Variants in ATXN10 observed in about 807,000 individuals in gnomAD.
ATXN10 encodes ataxin-10.
Under a neutral mutation model 52.9 loss-of-function variants are expected in ATXN10, and 28 were observed. That is an observed-to-expected ratio of 0.53 (90% CI 0.39 to 0.73). ATXN10 has a LOEUF of 0.73. Ranked by LOEUF, ATXN10 falls within the 30% of genes least tolerant of loss-of-function variation. ATXN10 has a pLI of 0.00. For missense variants in ATXN10, 565 were observed against 577.0 expected (o/e 0.98, Z 0.21); for synonymous variants, 226 against 221.5 (o/e 1.02, Z -0.18).
chr22:45,803,467 T>A (rs990450546), intron 9 of ATXN10, among the ~76,000 whole-genome samples: 2 of 152,152 alleles, frequency 1.3e-5, no homozygotes, highest in African/African-American at 2.4e-5. Context: ...ATGCTATATG[T>A]TCTTCTAGCC....
At chr22:45,830,199 G>A (rs1342947222) in intron 10 of ATXN10, among the ~76,000 whole-genome samples, 3 of 152,106 alleles carry the variant, frequency 2.0e-5, no homozygotes, top group Admixed American at 2.0e-4. Context: ...CTTACTTAAC[G>A]TCATATACAA....
Position 45,784,072 on chromosome 22 carries a change from C to T in ATXN10, c.1174-22887C>T, listed in dbSNP as rs1265197975. Among the ~76,000 whole-genome samples the T allele has an allele frequency of 6.6e-6, 1 of 152,148 alleles. No individual in the cohort carries two copies. Among genetic ancestry groups the T allele is most frequent in the Non-Finnish European group, 1.5e-5 (1 of 68,016 alleles). On this transcript the variant is annotated intron_variant, in intron 9 of 11. Coordinates refer to ENST00000252934, the MANE Select transcript of ATXN10 (RefSeq NM_013236.4). This position sits in a 1 kb window ranked among gnomAD's most constrained non-coding sequence, Gnocchi z 4.2. ...TCTCCCCTTCTTAATCCTCATCACTCTTCATTTGCACACTTTGAGGTTTTC... is the reference window on the plus strand; with the variant it reads ...TCTCCCCTTCTTAATCCTCATCACTTTTCATTTGCACACTTTGAGGTTTTC...
rs1031771033 is a variant in ATXN10, at chr22:45,775,399, T to C, written c.1174-31560T>C. On this transcript the variant is annotated intron_variant, in intron 9 of 11. Coordinates refer to ENST00000252934, the MANE Select transcript of ATXN10 (RefSeq NM_013236.4). This position sits in a 1 kb window ranked among gnomAD's most constrained non-coding sequence, Gnocchi z 4.7. The stretch of plus-strand genomic sequence containing the variant: ...GAGACAAGTTGGAAAACACAAACAT[T>C]GTGAGGGTTTGTAGAACGGGTGGGT... 3.3e-5 allele frequency among the ~76,000 whole-genome samples: 5 copies of C among 152,212 alleles called. No individual in the cohort carries two copies. The highest frequency in any genetic ancestry group is 1.2e-4 in the African/African-American group (5 of 41,462).
At chr22:45,788,336 G>A (rs1168627916) in intron 9 of ATXN10, among the ~76,000 whole-genome samples, 1 of 151,948 alleles carries the variant, frequency 6.6e-6, no homozygotes, top group Non-Finnish European at 1.5e-5. Context: ...TGCCCTCCCA[G>A]TAAATGATCC....
intron 5 of ATXN10, among the ~76,000 whole-genome samples, chr22:45,703,223 G>C (rs1923909049): frequency 6.6e-6 from 1 of 152,170 alleles, no homozygotes; most frequent in Admixed American, 6.5e-5. Flanking sequence ...GTAAGCATCT[G>C]TGCAGATGAG....
intron 10 of ATXN10, among the ~76,000 whole-genome samples, chr22:45,821,449 G>T (rs1928646310): frequency 6.6e-6 from 1 of 151,550 alleles, no homozygotes; most frequent in African/African-American, 2.4e-5. Flanking sequence ...AATGATGATT[G>T]TGAAAGACCC....
At chr22:45,751,740 G>GAAAAAAAAAAA (rs200364242) in intron 9 of ATXN10, among the ~76,000 whole-genome samples, 2 of 45,500 alleles carry the variant, frequency 4.4e-5, no homozygotes, top group Non-Finnish European at 3.7e-5. Context: ...CCTTTTTCTG[G>GAAAAAAAAAAA]AAAAAAAAAA....
At position 45,772,254 on chromosome 22, in the gene ATXN10, G is replaced by A. The variant is rs1926804967; in HGVS notation, c.1173+31716G>A. On this transcript the variant is annotated intron_variant, in intron 9 of 11. Coordinates refer to ENST00000252934, the MANE Select transcript of ATXN10 (RefSeq NM_013236.4). This position sits in a 1 kb window ranked among gnomAD's most constrained non-coding sequence, Gnocchi z 4.1. ...CCATTTGAGTTAGTCTCTCTATAAG[G>A]TGTGAGGGTTAGGTCAAGGTTCATT... 6.6e-6 allele frequency among the ~76,000 whole-genome samples: 1 copy of A among 152,150 alleles called. No homozygotes were observed. Among genetic ancestry groups the A allele is most frequent in the South Asian group, 2.1e-4 (1 of 4,830 alleles).
rs529060678 is a variant in ATXN10, at chr22:45,842,332, C to T, written c.1238-659C>T. Among the ~76,000 whole-genome samples, 73 of 152,186 alleles carry T rather than the reference C, an allele frequency of 4.8e-4. No individual in the cohort carries two copies. The highest frequency in any genetic ancestry group is 9.1e-4 in the Non-Finnish European group (62 of 68,042). On this transcript the variant is annotated intron_variant, in intron 10 of 11. Transcript: ENST00000252934. The surrounding 1 kb of genome is among the most constrained non-coding windows in gnomAD (Gnocchi z 4.8). ...AGGTTGTCTCTGGTCTCCTGCCAAG[C>T]GGAACGTGCCAGGTGAACACTTGGG...
intron 3 of ATXN10, among the ~76,000 whole-genome samples, chr22:45,697,693 G>A (rs1050444977): frequency 3.9e-5 from 6 of 151,918 alleles, no homozygotes; most frequent in Admixed American, 3.3e-4. Context: ...GCAGTGGGGC[G>A]ATCTCGGCTC....
chr22:45,796,172 C>T (rs1927730473), intron 9 of ATXN10, among the ~76,000 whole-genome samples: 1 of 152,224 alleles, frequency 6.6e-6, no homozygotes, highest in South Asian at 2.1e-4. Flanking sequence ...CAGGGAGTGT[C>T]TGTCTTATGC....
intron 9 of ATXN10, among the ~76,000 whole-genome samples, chr22:45,758,018 G>A (rs9626438): frequency 0.15 from 22,289 of 152,312 alleles, 1,844 homozygotes; most frequent in Middle Eastern, 0.21. Context: ...TGCTTCCAAA[G>A]TATATGGCAG....
chr22:45,814,387 T>C (rs1928389038), intron 10 of ATXN10, among the ~76,000 whole-genome samples: 1 of 152,170 alleles, frequency 6.6e-6, no homozygotes. Flanking sequence ...TCAGTAGTCA[T>C]CAGGGAAATG....
chr22:45,698,645 A>T (rs775869980), intron 3 of ATXN10, among the ~76,000 whole-genome samples: 4 of 152,156 alleles, frequency 2.6e-5, no homozygotes, highest in Non-Finnish European at 4.4e-5. Context: ...TTGTGTTCCT[A>T]TTTAGTAGAT....
intron 9 of ATXN10, among the ~76,000 whole-genome samples, chr22:45,758,989 T>C (rs1460376704): frequency 1.3e-5 from 2 of 152,242 alleles, no homozygotes; most frequent in Non-Finnish European, 2.9e-5. Context: ...GTTAACAAGA[T>C]TTAATGTAAT....
At chr22:45,804,305 A>G (rs529095976) in intron 9 of ATXN10, among the ~76,000 whole-genome samples, 1 of 152,368 alleles carries the variant, frequency 6.6e-6, no homozygotes, top group African/African-American at 2.4e-5. Flanking sequence ...TTTCAGAATT[A>G]AACGAAGTCA....
rs764803642 is a variant in ATXN10, at chr22:45,795,960, A to C, written c.1174-10999A>C. Among the ~76,000 whole-genome samples, 4 of 152,218 alleles carry C rather than the reference A, an allele frequency of 2.6e-5. No homozygotes were observed. Among genetic ancestry groups the C allele is most frequent in the Non-Finnish European group, 5.9e-5 (4 of 68,032 alleles). ...ACAATATGAAATTTGGGCACCTTGAAAAAGAACTGGGTAACAGCGATTTTC... is the reference window on the plus strand; with the variant it reads ...ACAATATGAAATTTGGGCACCTTGACAAAGAACTGGGTAACAGCGATTTTC... On this transcript the variant is annotated intron_variant, in intron 9 of 11. Transcript: ENST00000252934. This position sits in a 1 kb window ranked among gnomAD's most constrained non-coding sequence, Gnocchi z 4.6.
chr22:45,822,255 G>T (rs1328924886), intron 10 of ATXN10, among the ~76,000 whole-genome samples: 2 of 152,092 alleles, frequency 1.3e-5, no homozygotes, highest in Non-Finnish European at 1.5e-5. Context: ...AGTTATTGTT[G>T]TGAGCATCTT....
chr22:45,748,890 C>T (rs1925838636), intron 9 of ATXN10, among the ~76,000 whole-genome samples: 1 of 152,132 alleles, frequency 6.6e-6, no homozygotes. Flanking sequence ...GGAAACCTAT[C>T]ATGGTTTAGG....
Sources: gnomAD v4.1 joint callset for allele counts (sites outside exome capture counted in the v4.1 genomes callset) on GRCh38, gnomAD v4.1.1 for gene constraint, Gnocchi (gnomAD v3.1) non-coding constraint, MANE v1.5 for transcripts, NCBI Gene and HGNC (gene_info 2026-07-23, HGNC 2026-07-21) for gene names.